The following ABCB4 variants were observed in gnomAD, a reference collection of about 807,000 sequenced individuals.
ABCB4 encodes the protein ATP binding cassette subfamily B member 4, also known as phosphatidylcholine translocator ABCB4.
ABCB4 carries 76 observed loss-of-function variants against 145.7 expected under a neutral mutation model. The ratio of observed to expected loss-of-function variants is 0.52; its 90% confidence interval spans 0.43 to 0.63. The LOEUF is 0.63. Among genes scored for constraint, ABCB4 ranks in the 30% least tolerant of loss-of-function variants. ABCB4 has a pLI of 0.00. For missense variants in ABCB4, 1,234 were observed against 1,553.1 expected (o/e 0.79, Z 3.45); for synonymous variants, 517 against 566.8 (o/e 0.91, Z 1.25).
chr7:87,389,999 A>T, the ABCB4 span, among the ~76,000 whole-genome samples: 7 of 152,106 alleles, frequency 4.6e-5, no homozygotes, highest in Non-Finnish European at 8.8e-5. Context: ...TAAATATGGG[A>T]ATCTTTTTCC....
chr7:87,423,601 G>C, intron 17 of ABCB4: 1 of 400,130 alleles, frequency 2.5e-6, no homozygotes, highest in Non-Finnish European at 4.7e-6. Flanking sequence ...ACTTGTACCA[G>C]CTTTTCTACA....
chr7:87,429,056 C>G (rs1340358850), intron 15 of ABCB4, among the ~76,000 whole-genome samples: 1 of 152,124 alleles, frequency 6.6e-6, no homozygotes, highest in Non-Finnish European at 1.5e-5. Context: ...AATACCAAAA[C>G]AAGGGTGAAT....
chr7:87,424,598 C>G (rs1042749466), intron 16 of ABCB4, among the ~76,000 whole-genome samples: 1 of 152,160 alleles, frequency 6.6e-6, no homozygotes, highest in Admixed American at 6.5e-5. Context: ...CTTTTCTGTA[C>G]CATATTTCCA....
the ABCB4 span, among the ~76,000 whole-genome samples, chr7:87,387,767 C>T: frequency 6.6e-6 from 1 of 152,242 alleles, no homozygotes; most frequent in South Asian, 2.1e-4. Context: ...GCCTGGCCAA[C>T]ATGGTAAAAC....
chr7:87,392,555 T>C, the ABCB4 span: 1 of 1,611,640 alleles, frequency 6.2e-7, no homozygotes, highest in Non-Finnish European at 8.5e-7. Context: ...GTCTCTCGAT[T>C]TTTAATACAG....
chr7:87,437,027 G>A (rs759433880), intron 14 of ABCB4, among the ~76,000 whole-genome samples: 6 of 152,188 alleles, frequency 3.9e-5, no homozygotes, highest in Non-Finnish European at 8.8e-5. Context: ...AGGAAGAGGT[G>A]ACCTTCTTTT....
At position 87,413,613 on chromosome 7, in the gene ABCB4, T is replaced by C; in HGVS notation, c.2783+4A>G. ...TTCTTAGCAGGAATCATATGGTTCA[T>C]TACCTGTAAGGTCCATACAATTTTT... On this transcript the variant is annotated splice_donor_region_variant and intron_variant, in intron 22 of 27. Coordinates refer to ENST00000649586, the MANE Select transcript of ABCB4 (RefSeq NM_000443.4). The C allele has an allele frequency of 6.4e-7, 1 of 1,571,146 alleles. No individual in the cohort carries two copies. Among genetic ancestry groups the C allele is most frequent in the Non-Finnish European group, 8.8e-7 (1 of 1,142,272 alleles).
At chr7:87,423,638 C>T (rs1584708087) in intron 17 of ABCB4, 2 of 452,296 alleles carry the variant, frequency 4.4e-6, no homozygotes, top group South Asian at 4.2e-5. Context: ...CATTGTCTGA[C>T]ACCAGTTTCA....
chr7:87,420,084 GA>G lies in ABCB4; in HGVS notation c.2317-10del. On this transcript the variant is annotated splice_polypyrimidine_tract_variant and intron_variant, in intron 18 of 27. Coordinates refer to ENST00000649586, the MANE Select transcript of ABCB4 (RefSeq NM_000443.4). ...TTCCCAAACGTGAAACCCTGGTTGAGAAAAAAGGCTATGGTCTCTTTTGATC... is the reference window on the plus strand; with the variant it reads ...TTCCCAAACGTGAAACCCTGGTTGAGAAAAAGGCTATGGTCTCTTTTGATC... The G allele has an allele frequency of 6.2e-7, 1 of 1,613,672 alleles. No individual in the cohort carries two copies. The highest frequency in any genetic ancestry group is 1.7e-4 in the Middle Eastern group (1 of 6,060).
intron 26 of ABCB4, among the ~76,000 whole-genome samples, chr7:87,405,234 CA>C (rs1401581346): frequency 6.6e-6 from 1 of 152,074 alleles, no homozygotes; most frequent in Non-Finnish European, 1.5e-5. Context: ...AGCTGAAAGA[CA>C]AAAGTTAATC....
Position 87,462,897 on chromosome 7 carries a change from G to A in ABCB4, c.147C>T (p.Ser49=), listed in dbSNP as rs8187789. 3.0e-3 allele frequency: 4,908 copies of A among 1,613,490 alleles called. 136 individuals carry two copies. The African/African-American group carries it at 0.056, about 18-fold the overall frequency. The part of the protein sequence containing the change: ...MIGVLTLFRY[S]DWQDKLFMSL... ...ACATAAACAATTTATCCTGCCAATC[G>A]GAGTATCGAAACTAAAAAAAGGAAA... is the stretch of plus-strand genomic sequence containing the variant. The change falls in exon 4 of 28, where the codon TCC becomes TCT. Residue 49 remains serine (S), a synonymous_variant. Coordinates refer to ENST00000649586, the MANE Select transcript of ABCB4 (RefSeq NM_000443.4).
chr7:87,420,716 C>T (rs576764506), intron 18 of ABCB4, among the ~76,000 whole-genome samples: 36 of 152,288 alleles, frequency 2.4e-4, no homozygotes, highest in Admixed American at 5.2e-4. Context: ...AAAGCCCCCA[C>T]GTCAAATTCA....
At chr7:87,411,661 A>G (rs1808633844) in intron 23 of ABCB4, among the ~76,000 whole-genome samples, 1 of 152,192 alleles carries the variant, frequency 6.6e-6, no homozygotes, top group African/African-American at 2.4e-5. Flanking sequence ...TACAACTAAA[A>G]CTGTGCTTTC....
chr7:87,391,444 G>A, the ABCB4 span: 1 of 697,444 alleles, frequency 1.4e-6, no homozygotes, highest in Non-Finnish European at 2.2e-6. Context: ...ATTGGAAATA[G>A]GCTCTTTTTT....
chr7:87,474,398 G>A (rs1011007114), intron 2 of ABCB4, among the ~76,000 whole-genome samples: 1 of 152,124 alleles, frequency 6.6e-6, no homozygotes, highest in Admixed American at 6.5e-5. Context: ...AAAATACAAT[G>A]GTGCTTAGAA....
the ABCB4 span, chr7:87,376,105 T>G: frequency 1.4e-5 from 9 of 634,872 alleles, no homozygotes; most frequent in East Asian, 2.4e-4. Flanking sequence ...TTGAAGCTTA[T>G]AAAGTAGATA....
chr7:87,469,151 A>G (rs1325775305), intron 3 of ABCB4, among the ~76,000 whole-genome samples: 1 of 152,178 alleles, frequency 6.6e-6, no homozygotes. Context: ...GATGCAGAAA[A>G]GGCCTTTGAC....
chr7:87,386,730 G>A, the ABCB4 span, among the ~76,000 whole-genome samples: 8 of 152,090 alleles, frequency 5.3e-5, no homozygotes, highest in Non-Finnish European at 1.0e-4. Context: ...CTCATGGAGC[G>A]TGCTTCCTAC....
chr7:87,386,838 A>G, the ABCB4 span, among the ~76,000 whole-genome samples: 2 of 152,118 alleles, frequency 1.3e-5, no homozygotes, highest in Non-Finnish European at 2.9e-5. Context: ...TGCTAACCCC[A>G]TCTCTACCCA....
Sources: gnomAD v4.1 joint callset for allele counts (sites outside exome capture counted in the v4.1 genomes callset) on GRCh38, gnomAD v4.1.1 for gene constraint, MANE v1.5 for transcripts, NCBI Gene and HGNC (gene_info 2026-07-23, HGNC 2026-07-21) for gene names.